Variants in SIN3A observed in about 807,000 individuals in gnomAD.
SIN3A encodes SIN3 transcription regulator family member A.
A neutral mutation model predicts 146.1 loss-of-function variants in SIN3A; 14 were observed. The observed-to-expected ratio is 0.10, with a 90% confidence interval of 0.06 to 0.15. The LOEUF is 0.15. Ranked by LOEUF, SIN3A falls within the 10% of genes least tolerant of loss-of-function variation. The probability of loss-of-function intolerance (pLI) is 1.00; values close to 1 mark genes in which losing one functional copy is unlikely to be tolerated. For synonymous variants in SIN3A, 572 were observed against 572.0 expected (o/e 1.00, Z 0.00); for missense variants, 1,028 against 1,576.0 (o/e 0.65, Z 5.89).
At chr15:75,445,767 A>G (rs1419795539) in intron 1 of SIN3A, among the ~76,000 whole-genome samples, 1 of 151,646 alleles carries the variant, frequency 6.6e-6, no homozygotes, top group African/African-American at 2.4e-5. Flanking sequence ...AAGAAAAAAA[A>G]AAAAAAAAAA....
chr15:75,419,257 T>A (rs1188336168), intron 3 of SIN3A: 1 of 152,222 alleles, frequency 6.6e-6, no homozygotes, highest in Non-Finnish European at 1.5e-5. Flanking sequence ...CTTTCCATAC[T>A]AAAATGTTTC....
intron 15 of SIN3A, among the ~76,000 whole-genome samples, chr15:75,391,482 C>T (rs2073198059): frequency 1.3e-5 from 2 of 148,322 alleles, no homozygotes. Flanking sequence ...CATATCTGGG[C>T]TTCCTACATC....
intron 17 of SIN3A, 134 bp from the exon 18 acceptor site, chr15:75,381,839 G>C (rs1442158618): frequency 1.4e-6 from 1 of 705,806 alleles, no homozygotes; most frequent in Admixed American, 3.1e-5. Context: ...GAAGATACTA[G>C]ATCTTGGGTG....
rs376479116 is a variant in SIN3A at position 75,389,635 on chromosome 15, C to T, written c.3021+17G>A. The stretch of plus-strand genomic sequence containing the variant: ...GATTTCTTCCCTTACTCACCCTAGC[C>T]TCCTCCATGCCCTCACCTGTCTGAC... On this transcript the variant is annotated intron_variant, in intron 16 of 20. Coordinates refer to ENST00000394947, the MANE Select transcript of SIN3A (RefSeq NM_001145358.2). The T allele has an allele frequency of 1.8e-5, 29 of 1,613,514 alleles. No homozygotes were observed. The African/African-American group carries it at 3.6e-4, about 20-fold the overall frequency.
intron 1 of SIN3A, among the ~76,000 whole-genome samples, chr15:75,431,986 C>A (rs2074020929): frequency 6.6e-6 from 1 of 152,238 alleles, no homozygotes; most frequent in South Asian, 2.1e-4. Context: ...CAGACTAAGT[C>A]TCTCAGCTTT....
chr15:75,380,690 A>C lies in SIN3A; in HGVS notation c.3322T>G (p.Ser1108Ala), dbSNP rs1383990794. 1 of 1,614,100 alleles carries C rather than the reference A, an allele frequency of 6.2e-7. No homozygotes were observed. The highest frequency in any genetic ancestry group is 2.2e-5 in the East Asian group (1 of 44,884). ...WSDYVERYMNSDTTSPELREH... is the reference protein window; with the variant it reads ...WSDYVERYMNADTTSPELREH... Reference sequence around the variant, plus strand: ...CGAAGCTCAGGCGAGGTAGTATCTGAATTCATGTATCGCTCCACGTAGTCT... The same window carrying C: ...CGAAGCTCAGGCGAGGTAGTATCTGCATTCATGTATCGCTCCACGTAGTCT... The change falls in exon 19 of 21, where the codon TCA (serine) becomes GCA (alanine). Residue 1108 changes from serine to alanine, a missense_variant. By Grantham distance (99) the Ser-to-Ala change is moderately conservative (BLOSUM62 1). Coordinates refer to ENST00000394947, the MANE Select transcript of SIN3A (RefSeq NM_001145358.2).
chr15:75,418,733 G>T (rs1239125855), intron 3 of SIN3A, among the ~76,000 whole-genome samples: 1 of 151,876 alleles, frequency 6.6e-6, no homozygotes, highest in Non-Finnish European at 1.5e-5. Flanking sequence ...AGCACTAATG[G>T]ATTGAGACAA....
chr15:75,451,090 G>T (rs904503188), intron 1 of SIN3A, among the ~76,000 whole-genome samples: 1 of 150,462 alleles, frequency 6.6e-6, no homozygotes, highest in African/African-American at 2.4e-5. Flanking sequence ...CCCAGGAGGA[G>T]GGGAGGGGGT....
At chr15:75,418,232 A>T (rs2073777631) in intron 3 of SIN3A, among the ~76,000 whole-genome samples, 1 of 151,988 alleles carries the variant, frequency 6.6e-6, no homozygotes, top group South Asian at 2.1e-4. Context: ...GGGTGTCACC[A>T]TGTTGGCCAG....
intron 16 of SIN3A, among the ~76,000 whole-genome samples, chr15:75,386,170 C>A (rs1279470966): frequency 2.0e-5 from 3 of 152,198 alleles, no homozygotes; most frequent in Non-Finnish European, 2.9e-5. Context: ...GGTCTACAGG[C>A]ATGTGCCACC....
At chr15:75,442,150 A>C (rs1414057794) in intron 1 of SIN3A, among the ~76,000 whole-genome samples, 22 of 142,040 alleles carry the variant, frequency 1.5e-4, no homozygotes, top group Non-Finnish European at 2.5e-4. Flanking sequence ...AAAAAAAAAA[A>C]AAACTGATTT....
chr15:75,402,320 T>A (rs1017716514), intron 9 of SIN3A, among the ~76,000 whole-genome samples: 3 of 152,072 alleles, frequency 2.0e-5, no homozygotes, highest in African/African-American at 7.2e-5. Context: ...GAGCCCAGAC[T>A]GGCCAACATG....
At chr15:75,439,248 G>A (rs1008053646) in intron 1 of SIN3A, among the ~76,000 whole-genome samples, 6 of 152,052 alleles carry the variant, frequency 3.9e-5, no homozygotes, top group African/African-American at 1.4e-4. Flanking sequence ...CAATGCACAC[G>A]ACAGTCTCCT....
intron 8 of SIN3A, among the ~76,000 whole-genome samples, chr15:75,408,400 G>A (rs1169863067): frequency 4.6e-5 from 7 of 152,186 alleles, no homozygotes; most frequent in Non-Finnish European, 8.8e-5. Context: ...CACCTAGTAC[G>A]TCAGACCTTG....
intron 20 of SIN3A, among the ~76,000 whole-genome samples, chr15:75,374,252 T>C (rs940758227): frequency 6.6e-6 from 1 of 152,136 alleles, no homozygotes. Flanking sequence ...TCCCAGTACT[T>C]TGGGAGGCTG....
At position 75,430,048 on chromosome 15, in the gene SIN3A, TAC is replaced by T. The variant is rs2073988917; in HGVS notation, c.189+137_189+138del. 9 of 668,794 alleles carry T rather than the reference TAC, an allele frequency of 1.3e-5. No individual in the cohort carries two copies. In the East Asian group the frequency reaches 1.4e-4, roughly 10 times the overall value. 41.4% of individuals were successfully genotyped at this position (668,794 alleles called of 1,614,324 possible). The stretch of plus-strand genomic sequence containing the variant: ...TTTTTTTAAAAACTTGTATGGTGAG[TAC>T]ACAGTTATTTTTTTTTTTACCTTAC... On this transcript the variant is annotated intron_variant, in intron 2 of 20. Coordinates refer to ENST00000394947, the MANE Select transcript of SIN3A (RefSeq NM_001145358.2).
rs1263459928 is a variant in SIN3A at position 75,384,076 on chromosome 15, A to C, written c.3195+188T>G. On this transcript the variant is annotated intron_variant, in intron 17 of 20. Coordinates refer to ENST00000394947, the MANE Select transcript of SIN3A (RefSeq NM_001145358.2). ...TAGTTTTTTTTTTTTCTTTAAAGGCAGGAAAGAAACAAAGTAGATTGTCCA... is the reference window on the plus strand; with the variant it reads ...TAGTTTTTTTTTTTTCTTTAAAGGCCGGAAAGAAACAAAGTAGATTGTCCA... The C allele has an allele frequency of 7.6e-6, 3 of 393,322 alleles. No homozygotes were observed. The Admixed American group carries it at 1.2e-4, about 16-fold the overall frequency. The allele number at this position is 393,322 out of a possible 1,614,324, so 24.4% of individuals were successfully genotyped here. A position where few individuals can be genotyped will look rare whatever the true frequency, so the allele number is the denominator to read the frequency against.
chr15:75,411,752 A>G lies in SIN3A; in HGVS notation c.757-9T>C, dbSNP rs762564592. On this transcript the variant is annotated splice_polypyrimidine_tract_variant and intron_variant, in intron 5 of 20. Transcript: ENST00000394947. ...GCTTGCAGTTGGGAGGGCTAGAAAGAAAAGAAATCTTTATTCTCTTCAGAT... is the reference window on the plus strand; with the variant it reads ...GCTTGCAGTTGGGAGGGCTAGAAAGGAAAGAAATCTTTATTCTCTTCAGAT... The G allele has an allele frequency of 3.2e-6, 5 of 1,571,812 alleles. No homozygotes were observed. Among genetic ancestry groups the G allele is most frequent in the East Asian group, 2.2e-5 (1 of 44,504 alleles).
intron 20 of SIN3A, among the ~76,000 whole-genome samples, chr15:75,373,836 C>T (rs1446254136): frequency 6.6e-6 from 1 of 151,896 alleles, no homozygotes; most frequent in Non-Finnish European, 1.5e-5. Context: ...ATCAGTAAGC[C>T]TTCCAGTCAG....
Sources: allele counts gnomAD v4.1 joint callset (sites outside exome capture counted in the v4.1 genomes callset), GRCh38; gene constraint gnomAD v4.1.1; transcripts MANE v1.5; gene names NCBI Gene and HGNC (gene_info 2026-07-23, HGNC 2026-07-21).